SALL2: variants seen among roughly 807,000 people sequenced by gnomAD.
SALL2 encodes sal-like protein 2.
SALL2 carries 32 observed loss-of-function variants against 58.5 expected under a neutral mutation model. That is an observed-to-expected ratio of 0.55 (90% CI 0.41 to 0.74). SALL2 has a LOEUF of 0.74. Among genes scored for constraint, SALL2 ranks in the 30% least tolerant of loss-of-function variants. SALL2 has a pLI of 0.00. For synonymous variants in SALL2, 516 were observed against 513.6 expected (o/e 1.00, Z -0.06); for missense variants, 1,201 against 1,268.9 (o/e 0.95, Z 0.81).
Position 21,525,555 on chromosome 14 carries a change from G to A in SALL2, c.167C>T (p.Thr56Ile). 1 of 1,613,918 alleles carries A rather than the reference G, an allele frequency of 6.2e-7. No individual in the cohort carries two copies. Among genetic ancestry groups the A allele is most frequent in the Non-Finnish European group, 8.5e-7 (1 of 1,179,914 alleles). Reference sequence around the variant, plus strand: ...AATTATCACCATTACAGGAGGGTCAGTAGAACATGCGTTCTGGTGGGCGAG... The same window carrying A: ...AATTATCACCATTACAGGAGGGTCAATAGAACATGCGTTCTGGTGGGCGAG... ...EFLAHQNACS[T>I]DPPVMVIIGG... Residue 56 changes from threonine to isoleucine, a missense_variant, in exon 2 of 2, where the codon ACT becomes ATT. Transcript: ENST00000537235. This position sits in a 1 kb window ranked among gnomAD's most constrained non-coding sequence, Gnocchi z 4.4.
rs779900103 is a variant in SALL2, at chr14:21,524,309, C to T, written c.1413G>A (p.Glu471=). 4.3e-6 allele frequency: 7 copies of T among 1,613,864 alleles called. No individual in the cohort carries two copies. In the Admixed American group the frequency reaches 1.0e-4, roughly 23 times the overall value. Residue 471 remains glutamate, a synonymous_variant, in exon 2 of 2, where the codon GAG becomes GAA. Coordinates refer to ENST00000537235, the MANE Select transcript of SALL2 (RefSeq NM_001364564.1). ...EEAATPGGGV[E]RKPLVASTTA... The stretch of plus-strand genomic sequence containing the variant: ...TTGTGGAGGCCACCAGAGGCTTGCG[C>T]TCAACCCCTCCACCTGGAGTGGCTG...
At chr14:21,535,263 T>G (rs1013451838) in intron 1 of SALL2, among the ~76,000 whole-genome samples, 14 of 148,942 alleles carry the variant, frequency 9.4e-5, no homozygotes, top group Non-Finnish European at 1.9e-4. Flanking sequence ...GAGAATGGCG[T>G]GAACCTGGGA....
At position 21,524,206 on chromosome 14, in the gene SALL2, A is replaced by G. The variant is rs2139669041; in HGVS notation, c.1516T>C (p.Phe506Leu). ...GCTTTCATGAGCACAAACTTATTGA[A>G]AGCAGGGAGTCCTGGAGCCGTGGCT... ...GTATAPGLPAFNKFVLMKAVE... is the reference protein window; with the variant it reads ...GTATAPGLPALNKFVLMKAVE... Residue 506 changes from phenylalanine (F) to leucine (L), a missense_variant, in exon 2 of 2, where the codon TTC becomes CTC. Physicochemically the swap from Phe to Leu is conservative, Grantham distance 22. Transcript: ENST00000537235. The G allele has an allele frequency of 3.1e-6, 5 of 1,612,216 alleles. No homozygotes were observed. The highest frequency in any genetic ancestry group is 1.1e-5 in the South Asian group (1 of 90,812).
In SALL2 at chr14:21,526,309, G is replaced by T; in HGVS notation, c.-182C>A. 7.0e-7 allele frequency: 1 copy of T among 1,432,848 alleles called. No individual in the cohort carries two copies. The highest frequency in any genetic ancestry group is 1.5e-5 in the South Asian group (1 of 67,652). 88.8% of individuals were successfully genotyped at this position (1,432,848 alleles called of 1,614,324 possible). On this transcript the variant is annotated 5_prime_UTR_variant, in exon 1 of 2. Coordinates refer to ENST00000537235, the MANE Select transcript of SALL2 (RefSeq NM_001364564.1). ...AGGGGGAGGGGAGCGAGGAGGCGGG[G>T]AGAAGCTGGAGTGAGAAAGCGGGGA...
chr14:21,526,868 A>G (rs930122364), upstream of SALL2, among the ~76,000 whole-genome samples: 1 of 151,538 alleles, frequency 6.6e-6, no homozygotes, highest in Non-Finnish European at 1.5e-5. Flanking sequence ...ATCCCTCTCC[A>G]CAAAAGAAGT....
rs541184864 is a variant in SALL2, at chr14:21,522,072, G to A, written c.*632C>T. The A allele has an allele frequency of 2.4e-4, 384 of 1,597,596 alleles. 1 individual carries two copies. Among genetic ancestry groups the A allele is most frequent in the Middle Eastern group, 1.3e-3 (8 of 6,060 alleles). On this transcript the variant is annotated 3_prime_UTR_variant, in exon 2 of 2. Transcript: ENST00000537235. ...GGGTGCAGGAGGCTGAAATAGGAGG[G>A]GGGCTGTCTTCTCCTTGGCTTCCCT...
rs143233076 is a variant in SALL2, at chr14:21,536,862, G to T, written c.-114+100C>A. 83 of 1,614,016 alleles carry T rather than the reference G, an allele frequency of 5.1e-5. No homozygotes were observed. In the African/African-American group the frequency reaches 9.9e-4, roughly 19 times the overall value. On this transcript the variant is annotated intron_variant, in intron 1 of 1. Transcript: ENST00000541965. The stretch of plus-strand genomic sequence containing the variant: ...CCAGGCACCCACCGTTCTCAGACGC[G>T]CTGGGACCTTCGCAGTCCGAGATTA...
At position 21,526,048 on chromosome 14, in the gene SALL2, G is replaced by A. The variant is rs1892292716; in HGVS notation, c.67+13C>T. On this transcript the variant is annotated intron_variant, in intron 1 of 1. Coordinates refer to ENST00000537235, the MANE Select transcript of SALL2 (RefSeq NM_001364564.1). ...GCCCCCACCCCTGCCCAGCCCGACC[G>A]ACCCTACCGCACCTCCGAGCTCTGC... The A allele has an allele frequency of 2.3e-6, 2 of 852,876 alleles. No individual in the cohort carries two copies. The highest frequency in any genetic ancestry group is 3.6e-6 in the Non-Finnish European group (2 of 554,614). The allele number at this position is 852,876 out of a possible 1,614,324, so 52.8% of individuals were successfully genotyped here.
chr14:21,536,486 A>T (rs1892599658), intron 1 of SALL2, among the ~76,000 whole-genome samples: 1 of 152,188 alleles, frequency 6.6e-6, no homozygotes. Context: ...AAGGGGGGAA[A>T]ATCCCACCCC....
chr14:21,521,931 T>C lies in SALL2; in HGVS notation c.*773A>G. 6.8e-7 allele frequency: 1 copy of C among 1,471,304 alleles called. No homozygotes were observed. The highest frequency in any genetic ancestry group is 9.0e-7 in the Non-Finnish European group (1 of 1,107,066). 91.1% of individuals were successfully genotyped at this position (1,471,304 alleles called of 1,614,324 possible). A position where few individuals can be genotyped will look rare whatever the true frequency, so the allele number is the denominator to read the frequency against. On this transcript the variant is annotated 3_prime_UTR_variant, in exon 2 of 2. Coordinates refer to ENST00000537235, the MANE Select transcript of SALL2 (RefSeq NM_001364564.1). ...TTCATTTCTCCCTACTTCCTAGGGT[T>C]GGGTCACCAATTACTGGAGCATCTT...
At chr14:21,526,397 G>A, upstream of SALL2, 1 of 1,371,424 alleles carries the variant, frequency 7.3e-7, no homozygotes, top group East Asian at 2.9e-5. Context: ...GCTGGGGAGG[G>A]AGGCGGGAGC....
upstream of SALL2, among the ~76,000 whole-genome samples, chr14:21,527,404 C>G (rs1181544667): frequency 1.3e-5 from 2 of 152,120 alleles, no homozygotes; most frequent in Non-Finnish European, 2.9e-5. Context: ...TCTTTTTTAC[C>G]TTGAAATGAG....
Position 21,524,136 on chromosome 14 carries a change from C to T in SALL2, c.1586G>A (p.Ser529Asn), listed in dbSNP as rs1419894405. Residue 529 changes from serine to asparagine, a missense_variant, in exon 2 of 2, where the codon AGT becomes AAT. By Grantham distance (46) the Ser-to-Asn change is conservative (BLOSUM62 1). Transcript: ENST00000537235. Reference protein sequence around the residue: ...NKADENTPPGSEGSAISGVAE... With the variant: ...NKADENTPPGNEGSAISGVAE... ...CACTCCACTGATGGCTGAGCCCTCA[C>T]TCCCTGGGGGGGTGTTTTCATCAGC... is the stretch of plus-strand genomic sequence containing the variant. The T allele has an allele frequency of 2.5e-6, 4 of 1,612,952 alleles. No individual in the cohort carries two copies. The highest frequency in any genetic ancestry group is 3.3e-5 in the Admixed American group (2 of 59,918).
upstream of SALL2, among the ~76,000 whole-genome samples, chr14:21,530,843 C>T (rs1424631777): frequency 1.3e-5 from 2 of 152,168 alleles, no homozygotes; most frequent in African/African-American, 4.8e-5. Flanking sequence ...AATACCTGGG[C>T]TCAAGGGATC....
chr14:21,523,044 C>G lies in SALL2; in HGVS notation c.2678G>C (p.Ser893Thr). The G allele has an allele frequency of 1.2e-6, 2 of 1,614,176 alleles. No homozygotes were observed. Among genetic ancestry groups the G allele is most frequent in the Non-Finnish European group, 1.7e-6 (2 of 1,180,030 alleles). Reference protein sequence around the residue: ...ATSVTLVEELSLQEAMRKEPG... With the variant: ...ATSVTLVEELTLQEAMRKEPG... The stretch of plus-strand genomic sequence containing the variant: ...CTCCTTTCTCATTGCCTCCTGCAGG[C>G]TCAGCTCCTCTACCAAGGTCACGCT... The change falls in exon 2 of 2, where the codon AGC (serine) becomes ACC (threonine). Residue 893 changes from serine (S) to threonine (T), a missense_variant. Ser to Thr is a moderately conservative substitution (Grantham distance 58). Transcript: ENST00000537235. This position sits in a 1 kb window ranked among gnomAD's most constrained non-coding sequence, Gnocchi z 4.4.
upstream of SALL2, among the ~76,000 whole-genome samples, chr14:21,530,435 T>C (rs1168905152): frequency 6.6e-6 from 1 of 151,940 alleles, no homozygotes; most frequent in Non-Finnish European, 1.5e-5. Context: ...ATTACAGGCA[T>C]GTGCCACCAA....
At chr14:21,536,801 C>A in intron 1 of SALL2, 5 of 1,536,990 alleles carry the variant, frequency 3.3e-6, no homozygotes, top group Non-Finnish European at 4.5e-6. Flanking sequence ...CTGGCCTGAC[C>A]CACACAGGCT....
intron 1 of SALL2, among the ~76,000 whole-genome samples, chr14:21,535,144 G>A (rs1291428291): frequency 6.6e-6 from 1 of 152,068 alleles, no homozygotes; most frequent in South Asian, 2.1e-4. Flanking sequence ...AGGAGATCCA[G>A]AGCATCCTGG....
rs984068585 is a variant in SALL2 at position 21,524,003 on chromosome 14, G to A, written c.1719C>T (p.Phe573=). 7 of 1,614,114 alleles carry A rather than the reference G, an allele frequency of 4.3e-6. No homozygotes were observed. The highest frequency in any genetic ancestry group is 5.9e-6 in the Non-Finnish European group (7 of 1,180,042). The change falls in exon 2 of 2, where the codon TTC becomes TTT. Residue 573 remains phenylalanine (F), a synonymous_variant. Transcript: ENST00000537235. The part of the protein sequence containing the change: ...NHFKSTGSFP[F]PYVLEPLGAS... ...CCCCCAAGGGCTCTAGCACATAGGG[G>A]AAGGGGAAGCTGCCAGTGGACTTGA... is the stretch of plus-strand genomic sequence containing the variant.
Sources: allele counts gnomAD v4.1 joint callset (sites outside exome capture counted in the v4.1 genomes callset), GRCh38; gene constraint gnomAD v4.1.1; non-coding constraint Gnocchi (gnomAD v3.1); transcripts MANE v1.5; gene names NCBI Gene and HGNC (gene_info 2026-07-23, HGNC 2026-07-21).